Variants in GLT1D1 observed in about 807,000 individuals in gnomAD.
GLT1D1 encodes the protein glycosyltransferase 1 domain-containing protein 1.
Under a neutral mutation model 28.7 loss-of-function variants are expected in GLT1D1, and 21 were observed. The observed-to-expected ratio is 0.73, with a 90% CI of 0.52 to 1.05. GLT1D1 has a LOEUF of 1.05. Among genes scored for constraint, GLT1D1 ranks in the 50% least tolerant of loss-of-function variants. The pLI, the probability that GLT1D1 is intolerant of heterozygous loss-of-function variation, is 0.00. For synonymous variants in GLT1D1, 147 were observed against 124.8 expected (o/e 1.18, Z -1.19); for missense variants, 343 against 330.6 (o/e 1.04, Z -0.29).
chr12:128,902,383 G>C (rs2135860318), intron 4 of GLT1D1, among the ~76,000 whole-genome samples: 1 of 151,144 alleles, frequency 6.6e-6, no homozygotes, highest in East Asian at 1.9e-4. Flanking sequence ...CTTTCGGGAG[G>C]CTGAGGCAGG....
intron 7 of GLT1D1, among the ~76,000 whole-genome samples, chr12:128,962,255 C>T (rs568175843): frequency 2.0e-5 from 3 of 152,376 alleles, no homozygotes; most frequent in Non-Finnish European, 4.4e-5. Flanking sequence ...GGGATTGGGG[C>T]AGTCAACTGT....
At chr12:128,921,006 A>C (rs528197596) in intron 4 of GLT1D1, among the ~76,000 whole-genome samples, 1 of 152,184 alleles carries the variant, frequency 6.6e-6, no homozygotes, top group African/African-American at 2.4e-5. Context: ...ACCACCTTAA[A>C]GCTGTCAGGG....
At chr12:128,964,341 G>A (rs1046884635) in intron 7 of GLT1D1, among the ~76,000 whole-genome samples, 2 of 152,200 alleles carry the variant, frequency 1.3e-5, no homozygotes, top group South Asian at 4.1e-4. Context: ...CCATGTTGGC[G>A]TGGCTGCACT....
chr12:128,869,998 T>C (rs12316296), intron 1 of GLT1D1, among the ~76,000 whole-genome samples: 3,872 of 150,592 alleles, frequency 0.026, 167 homozygotes, highest in African/African-American at 0.089. Context: ...GCAACCTCTG[T>C]GTCCCAGGTT....
chr12:128,935,268 C>T (rs1026827012), intron 4 of GLT1D1, among the ~76,000 whole-genome samples: 8 of 152,082 alleles, frequency 5.3e-5, no homozygotes, highest in South Asian at 2.1e-4. Context: ...GTAGAGTAGC[C>T]GGGCGCGGTG....
intron 2 of GLT1D1, 118 bp downstream of exon 2, chr12:128,876,180 C>T (rs1394890609): frequency 1.1e-6 from 1 of 870,712 alleles, no homozygotes; most frequent in Non-Finnish European, 1.7e-6. Context: ...AAATGGGAGA[C>T]ATGCAATAAT....
intron 1 of GLT1D1, among the ~76,000 whole-genome samples, chr12:128,869,516 A>G (rs980197325): frequency 2.6e-5 from 4 of 152,000 alleles, no homozygotes; most frequent in African/African-American, 9.7e-5. Context: ...TTATGATATA[A>G]ATAGAATATT....
rs186028660 is a variant in GLT1D1 at position 128,949,215 on chromosome 12, G to A, written c.540+1757G>A. Among the ~76,000 whole-genome samples the A allele has an allele frequency of 2.6e-5, 4 of 152,190 alleles. No individual in the cohort carries two copies. The South Asian group carries it at 6.2e-4, about 24-fold the overall frequency. On this transcript the variant is annotated intron_variant, in intron 6 of 7. Coordinates refer to ENST00000281703, the MANE Select transcript of GLT1D1 (RefSeq NM_144669.3). ...CTTAAGGAAAGGTAGAGTGAAATTC[G>A]GGAATGATTTTATAACTAGCACACA... is the stretch of plus-strand genomic sequence containing the variant.
At chr12:128,971,912 G>C (rs532046547) in intron 7 of GLT1D1, among the ~76,000 whole-genome samples, 1 of 126,044 alleles carries the variant, frequency 7.9e-6, no homozygotes, top group Non-Finnish European at 1.6e-5. Context: ...TGACCTCATC[G>C]TTCCGCATTA....
intron 7 of GLT1D1, among the ~76,000 whole-genome samples, chr12:128,977,680 ACT>A (rs374694741): frequency 1.5e-3 from 223 of 151,242 alleles, no homozygotes; most frequent in African/African-American, 5.0e-3. Context: ...CTTGTTTTAA[ACT>A]CTCTTGAGAG....
At chr12:128,979,570 A>C (rs1880117658) in intron 7 of GLT1D1, among the ~76,000 whole-genome samples, 1 of 152,182 alleles carries the variant, frequency 6.6e-6, no homozygotes, top group South Asian at 2.1e-4. Context: ...CCTGGGCAAC[A>C]CAGTGAAACC....
chr12:128,937,390 C>T (rs1874676352), intron 4 of GLT1D1, among the ~76,000 whole-genome samples: 1 of 152,056 alleles, frequency 6.6e-6, no homozygotes, highest in Non-Finnish European at 1.5e-5. Context: ...TTGGGAGGGA[C>T]ATGGAGATAG....
intron 7 of GLT1D1, among the ~76,000 whole-genome samples, chr12:128,959,416 G>GGT (rs1877672183): frequency 1.1e-5 from 1 of 89,484 alleles, no homozygotes; most frequent in East Asian, 5.5e-4. Flanking sequence ...GGCAGTGGGG[G>GGT]GGGACGGGTG....
chr12:128,875,392 G>T (rs80230942), intron 1 of GLT1D1, among the ~76,000 whole-genome samples: 83 of 152,316 alleles, frequency 5.4e-4, no homozygotes, highest in African/African-American at 1.9e-3. Flanking sequence ...TCTGAGACTG[G>T]CAGATGAATG....
chr12:128,933,751 T>C (rs1874204155), intron 4 of GLT1D1, among the ~76,000 whole-genome samples: 1 of 152,176 alleles, frequency 6.6e-6, no homozygotes, highest in Non-Finnish European at 1.5e-5. Flanking sequence ...CCATCATCAT[T>C]ATAACATTTC....
intron 4 of GLT1D1, among the ~76,000 whole-genome samples, chr12:128,927,683 AC>A (rs1242059806): frequency 1.3e-5 from 2 of 152,058 alleles, no homozygotes; most frequent in Admixed American, 1.3e-4. Flanking sequence ...ACAAAGGATA[AC>A]TAATAACTTC....
chr12:128,966,793 A>T (rs1333987170), intron 7 of GLT1D1, among the ~76,000 whole-genome samples: 2 of 151,842 alleles, frequency 1.3e-5, no homozygotes, highest in East Asian at 1.9e-4. Context: ...GCCATTTTTA[A>T]TTTTTTTTTA....
Position 128,876,040 on chromosome 12 carries a change from TA to T in GLT1D1, c.196del (p.Arg66GlyfsTer22), listed in dbSNP as rs780315506. The T allele has an allele frequency of 6.2e-7, 1 of 1,607,710 alleles. No homozygotes were observed. The highest frequency in any genetic ancestry group is 8.5e-7 in the Non-Finnish European group (1 of 1,178,180). On this transcript the variant is annotated frameshift_variant, in exon 2 of 8. Transcript: ENST00000281703. LOFTEE classifies it high-confidence loss of function. ...AGGCTGCCCTGGCTCTTCATCTCTATAGGGGAGGCAGGCTTTTGCAAGGTAA... is the reference window on the plus strand; with the variant it reads ...AGGCTGCCCTGGCTCTTCATCTCTATGGGGAGGCAGGCTTTTGCAAGGTAA...
At chr12:128,904,729 A>G (rs149951342) in intron 4 of GLT1D1, among the ~76,000 whole-genome samples, 1,639 of 146,908 alleles carry the variant, frequency 0.011, 64 homozygotes, top group African/African-American at 0.041. Context: ...CGGCTCCCGG[A>G]TTCAAGCGAT....
Sources: allele counts gnomAD v4.1 joint callset (sites outside exome capture counted in the v4.1 genomes callset), GRCh38; gene constraint gnomAD v4.1.1; transcripts MANE v1.5; gene names NCBI Gene and HGNC (gene_info 2026-07-23, HGNC 2026-07-21).